MEF2A: variants seen among roughly 807,000 people sequenced by gnomAD.
The protein encoded by MEF2A is myocyte enhancer factor 2A.
In MEF2A, 28 loss-of-function variants were observed where a neutral mutation model predicts 55.8. The observed-to-expected ratio is 0.50, with a 90% CI of 0.37 to 0.69. The LOEUF (loss-of-function observed/expected upper bound fraction) is 0.69. Ranked by LOEUF, MEF2A falls within the 30% of genes least tolerant of loss-of-function variation. The pLI, the probability that MEF2A is intolerant of heterozygous loss-of-function variation, is 0.00. For synonymous variants in MEF2A, 239 were observed against 227.1 expected (o/e 1.05, Z -0.47); for missense variants, 528 against 626.2 (o/e 0.84, Z 1.67).
At chr15:99,703,408 AG>A (rs751391458) in intron 9 of MEF2A, 23 bp downstream of exon 9, 2 of 1,591,522 alleles carry the variant, frequency 1.3e-6, no homozygotes, top group Non-Finnish European at 1.7e-6. Flanking sequence ...TTCTGCTTGA[AG>A]GAAGTTGAAA....
intron 2 of MEF2A, among the ~76,000 whole-genome samples, chr15:99,625,814 A>G (rs2041959227): frequency 6.6e-6 from 1 of 152,146 alleles, no homozygotes. Flanking sequence ...CGTTGCAGGA[A>G]TAAATCCCAC....
chr15:99,676,612 G>A (rs930679987), intron 7 of MEF2A, among the ~76,000 whole-genome samples: 2 of 149,480 alleles, frequency 1.3e-5, no homozygotes, highest in Non-Finnish European at 1.5e-5. Context: ...CGCTCTTGTC[G>A]CCCAGGCTGG....
In MEF2A at chr15:99,715,901, T is replaced by C. The variant is rs138403437; in HGVS notation, c.*3130T>C. The C allele has an allele frequency of 2.0e-5, 3 of 152,596 alleles. No individual in the cohort carries two copies. Among genetic ancestry groups the C allele is most frequent in the Non-Finnish European group, 4.4e-5 (3 of 68,254 alleles). 9.5% of individuals were successfully genotyped at this position (152,596 alleles called of 1,614,324 possible). A position where few individuals can be genotyped will look rare whatever the true frequency, so the allele number is the denominator to read the frequency against. ...GAGCCCAATTATGTCCATTTTGTTA[T>C]AGACTAAATCAGGGGTTTGTTCTAC... On this transcript the variant is annotated 3_prime_UTR_variant, in exon 12 of 12. Transcript: ENST00000557942.
intron 7 of MEF2A, among the ~76,000 whole-genome samples, chr15:99,682,828 A>G (rs1287339410): frequency 6.6e-6 from 1 of 152,218 alleles, no homozygotes; most frequent in Non-Finnish European, 1.5e-5. Context: ...TCTGAATTAT[A>G]TATTTTTGTC....
chr15:99,641,584 G>C (rs375084950), intron 3 of MEF2A, among the ~76,000 whole-genome samples: 21 of 152,256 alleles, frequency 1.4e-4, no homozygotes, highest in East Asian at 9.7e-4. Flanking sequence ...TTAGCCAGGC[G>C]TGGTGGCAGG....
chr15:99,637,889 CGCCTCG>C (rs1401538788), intron 3 of MEF2A, among the ~76,000 whole-genome samples: 2 of 152,058 alleles, frequency 1.3e-5, no homozygotes, highest in Non-Finnish European at 2.9e-5. Context: ...GTGATCTGCC[CGCCTCG>C]GCCTCCCAAA....
At chr15:99,599,774 T>G (rs1972374430) in intron 2 of MEF2A, among the ~76,000 whole-genome samples, 1 of 152,122 alleles carries the variant, frequency 6.6e-6, no homozygotes, top group South Asian at 2.1e-4. Flanking sequence ...TCTTTTCTCA[T>G]CATTACAGTT....
chr15:99,567,938 T>C (rs1430097778), intron 1 of MEF2A, among the ~76,000 whole-genome samples: 1 of 152,212 alleles, frequency 6.6e-6, no homozygotes, highest in African/African-American at 2.4e-5. Flanking sequence ...TCTGAAGAGC[T>C]AAAACTGGTG....
At chr15:99,568,719 C>T (rs767505388) in intron 1 of MEF2A, among the ~76,000 whole-genome samples, 11 of 152,106 alleles carry the variant, frequency 7.2e-5, no homozygotes, top group African/African-American at 1.2e-4. Context: ...CCCTTTGCTG[C>T]TTTTAGTCTG....
chr15:99,652,899 A>G (rs2047087177), intron 4 of MEF2A, among the ~76,000 whole-genome samples: 1 of 152,218 alleles, frequency 6.6e-6, no homozygotes, highest in African/African-American at 2.4e-5. Context: ...AAACACTGGG[A>G]ATATAGTGGT....
At chr15:99,603,266 T>C (rs889910111) in intron 2 of MEF2A, among the ~76,000 whole-genome samples, 1 of 152,244 alleles carries the variant, frequency 6.6e-6, no homozygotes, top group Admixed American at 6.5e-5. Flanking sequence ...TACAGGTTTC[T>C]AATTTAATTC....
chr15:99,687,083 T>TG, intron 7 of MEF2A, among the ~76,000 whole-genome samples: 1 of 129,692 alleles, frequency 7.7e-6, no homozygotes, highest in African/African-American at 2.7e-5. Context: ...TATTAATTTT[T>TG]CTTTTTTTTT....
intron 8 of MEF2A, among the ~76,000 whole-genome samples, chr15:99,693,661 T>C (rs771522917): frequency 8.5e-5 from 13 of 152,208 alleles, no homozygotes; most frequent in Non-Finnish European, 1.9e-4. Flanking sequence ...ACCAAAAATA[T>C]CTTTGAGAAA....
At chr15:99,682,476 C>T (rs988449249) in intron 7 of MEF2A, among the ~76,000 whole-genome samples, 2 of 152,104 alleles carry the variant, frequency 1.3e-5, no homozygotes, top group African/African-American at 4.8e-5. Context: ...AAAGTATTTA[C>T]CTCAAAAGTC....
intron 2 of MEF2A, among the ~76,000 whole-genome samples, chr15:99,601,893 T>C (rs1390072935): frequency 6.6e-6 from 1 of 151,410 alleles, no homozygotes; most frequent in Non-Finnish European, 1.5e-5. Flanking sequence ...AGTTAAAATT[T>C]CTTGTTCTTG....
chr15:99,593,074 A>T (rs1286524086), intron 1 of MEF2A, among the ~76,000 whole-genome samples: 2 of 152,200 alleles, frequency 1.3e-5, no homozygotes, highest in African/African-American at 4.8e-5. Context: ...CTAGAAAATT[A>T]AAACTTACAT....
At chr15:99,633,433 C>T (rs1171600172) in intron 3 of MEF2A, among the ~76,000 whole-genome samples, 1 of 152,000 alleles carries the variant, frequency 6.6e-6, no homozygotes, top group Non-Finnish European at 1.5e-5. Flanking sequence ...ATTACCAATC[C>T]ATTGTATAGA....
intron 1 of MEF2A, among the ~76,000 whole-genome samples, chr15:99,579,753 T>C (rs894638240): frequency 3.3e-5 from 5 of 152,196 alleles, no homozygotes; most frequent in African/African-American, 1.2e-4. Context: ...TGATTCCCTC[T>C]TTTGTCAGTA....
intron 1 of MEF2A, among the ~76,000 whole-genome samples, chr15:99,582,800 A>G (rs1160072127): frequency 6.6e-6 from 1 of 152,118 alleles, no homozygotes; most frequent in Non-Finnish European, 1.5e-5. Context: ...TTTGACATGC[A>G]TGATGCACTC....
Sources: allele counts gnomAD v4.1 joint callset (sites outside exome capture counted in the v4.1 genomes callset), GRCh38; gene constraint gnomAD v4.1.1; transcripts MANE v1.5; gene names NCBI Gene and HGNC (gene_info 2026-07-23, HGNC 2026-07-21).